Variants in TCF12 observed in about 807,000 individuals in gnomAD.
The protein encoded by TCF12 is DNA-binding protein HTF4.
TCF12 carries 45 observed loss-of-function variants against 86.0 expected under a neutral mutation model. That is an observed-to-expected ratio of 0.52 (90% CI 0.41 to 0.67). The LOEUF (loss-of-function observed/expected upper bound fraction) is 0.67. TCF12 is among the 30% of genes least tolerant of loss of function. The pLI is 0.00. For missense variants in TCF12, 881 were observed against 859.9 expected (o/e 1.02, Z -0.31); for synonymous variants, 330 against 299.6 (o/e 1.10, Z -1.05).
intron 6 of TCF12, among the ~76,000 whole-genome samples, chr15:57,178,386 C>T (rs1176121254): frequency 6.6e-6 from 1 of 151,858 alleles, no homozygotes; most frequent in Non-Finnish European, 1.5e-5. Flanking sequence ...ATGTCTAATG[C>T]TATATTGGGT....
rs186399712 is a variant in TCF12 at position 56,933,473 on chromosome 15, A to G, written c.148+12375A>G. Among the ~76,000 whole-genome samples, 13 of 152,226 alleles carry G rather than the reference A, an allele frequency of 8.5e-5. 1 individual carries two copies. The East Asian group carries it at 2.3e-3, about 27-fold the overall frequency. ...TTAAGGTAGTGGAAAATAAAGATAC[A>G]TTGTGGTATATTTGAAAGAGGAGCA... On this transcript the variant is annotated intron_variant, in intron 3 of 20. Coordinates refer to ENST00000333725, the MANE Select transcript of TCF12 (RefSeq NM_207037.2).
intron 19 of TCF12, chr15:57,282,075 A>T: frequency 3.4e-6 from 1 of 291,756 alleles, no homozygotes; most frequent in African/African-American, 2.3e-5. Flanking sequence ...CTCTCTAAGT[A>T]CAAGATGTCA....
In TCF12 at chr15:57,026,038, G is replaced by A. The variant is rs138805301; in HGVS notation, c.149-37712G>A. 9.2e-5 allele frequency among the ~76,000 whole-genome samples: 14 copies of A among 152,338 alleles called. No homozygotes were observed. In the East Asian group the frequency reaches 2.7e-3, roughly 29 times the overall value. ...AATACTCTCCAGAGTTTTAAATGCT[G>A]TCATGTAGAAGATAATATAGATTTC... On this transcript the variant is annotated intron_variant, in intron 3 of 20. Transcript: ENST00000333725.
chr15:57,196,153 C>T (rs1251718138), intron 7 of TCF12, among the ~76,000 whole-genome samples: 1 of 143,928 alleles, frequency 6.9e-6, no homozygotes, highest in Non-Finnish European at 1.5e-5. Context: ...TGGATTCAGC[C>T]AACCACAGAT....
At chr15:57,281,388 A>G (rs2061678987) in intron 19 of TCF12, among the ~76,000 whole-genome samples, 1 of 152,230 alleles carries the variant, frequency 6.6e-6, no homozygotes, top group African/African-American at 2.4e-5. Context: ...AAAGTAGAAA[A>G]GTAAGATGTG....
intron 5 of TCF12, among the ~76,000 whole-genome samples, chr15:57,157,386 TGTG>T (rs71967243): frequency 0.24 from 36,086 of 151,612 alleles, 4,920 homozygotes; most frequent in East Asian, 0.4. Flanking sequence ...GTTGGGGAAA[TGTG>T]GTGACATTAA....
At chr15:56,958,334 G>A (rs1320938575) in intron 3 of TCF12, among the ~76,000 whole-genome samples, 1 of 152,150 alleles carries the variant, frequency 6.6e-6, no homozygotes, top group Non-Finnish European at 1.5e-5. Context: ...CCTTAGAGAT[G>A]ACTGTCCTTT....
chr15:57,025,667 G>T (rs900323305), intron 3 of TCF12, among the ~76,000 whole-genome samples: 3 of 152,204 alleles, frequency 2.0e-5, no homozygotes, highest in Admixed American at 6.5e-5. Context: ...TGTGTTGAAA[G>T]AATTTGTATG....
At chr15:57,053,676 T>C (rs994525083) in intron 3 of TCF12, among the ~76,000 whole-genome samples, 8 of 151,952 alleles carry the variant, frequency 5.3e-5, no homozygotes, top group Non-Finnish European at 8.8e-5. Flanking sequence ...GTTGTTTGCA[T>C]AACGCCTGTA....
At chr15:57,086,829 A>G (rs2048668603) in intron 4 of TCF12, among the ~76,000 whole-genome samples, 1 of 152,132 alleles carries the variant, frequency 6.6e-6, no homozygotes, top group Admixed American at 6.5e-5. Flanking sequence ...ATAGGTTTGT[A>G]AAACTGTAAG....
chr15:56,983,193 G>A (rs142444375), intron 3 of TCF12, among the ~76,000 whole-genome samples: 2 of 152,216 alleles, frequency 1.3e-5, no homozygotes, highest in East Asian at 1.9e-4. Flanking sequence ...TTTGTCTCCC[G>A]TAGTCATTCT....
chr15:57,054,554 G>T (rs1231570302), intron 3 of TCF12, among the ~76,000 whole-genome samples: 2 of 152,136 alleles, frequency 1.3e-5, no homozygotes, highest in African/African-American at 2.4e-5. Flanking sequence ...GAGCAATGGG[G>T]TGTGTTCGCA....
In TCF12 at chr15:57,282,625, C is replaced by A. The variant is rs759547524; in HGVS notation, c.*11+27C>A. 22 of 1,597,440 alleles carry A rather than the reference C, an allele frequency of 1.4e-5. No homozygotes were observed. In the Admixed American group the frequency reaches 3.4e-4, roughly 25 times the overall value. On this transcript the variant is annotated intron_variant, in intron 20 of 20. Coordinates refer to ENST00000333725, the MANE Select transcript of TCF12 (RefSeq NM_207037.2). ...TAAGTACGGGTTTGAAAAGAAACAGCAAGGAAATAACCTTAAGATTCATCT... is the reference window on the plus strand; with the variant it reads ...TAAGTACGGGTTTGAAAAGAAACAGAAAGGAAATAACCTTAAGATTCATCT...
chr15:57,011,542 C>T (rs550070344), intron 3 of TCF12, among the ~76,000 whole-genome samples: 159 of 152,174 alleles, frequency 1.0e-3, no homozygotes, highest in African/African-American at 3.7e-3. Flanking sequence ...AGTGTGAGAA[C>T]GGCTTAATAA....
At chr15:57,154,490 C>A (rs898744372) in intron 5 of TCF12, among the ~76,000 whole-genome samples, 2 of 152,190 alleles carry the variant, frequency 1.3e-5, no homozygotes, top group African/African-American at 4.8e-5. Context: ...TCAAACATAT[C>A]TACCCTTTTT....
intron 5 of TCF12, among the ~76,000 whole-genome samples, chr15:57,158,577 C>A (rs1200708603): frequency 6.6e-6 from 1 of 152,112 alleles, no homozygotes; most frequent in African/African-American, 2.4e-5. Flanking sequence ...GCACTTCTGC[C>A]AGAATTATTG....
At chr15:57,259,313 G>C (rs1465401512) in intron 16 of TCF12, among the ~76,000 whole-genome samples, 1 of 152,156 alleles carries the variant, frequency 6.6e-6, no homozygotes, top group Non-Finnish European at 1.5e-5. Context: ...AGTATGTAAA[G>C]ATCCTTTAAG....
intron 3 of TCF12, among the ~76,000 whole-genome samples, chr15:56,984,285 T>TGTGTGTGTGTGTGTGTGA (rs2063061965): frequency 6.6e-6 from 1 of 150,542 alleles, no homozygotes; most frequent in Non-Finnish European, 1.5e-5. Context: ...TGTGTGTGTG[T>TGTGTGTGTGTGTGTGTGA]GTGTGTGTGA....
intron 16 of TCF12, among the ~76,000 whole-genome samples, chr15:57,254,045 C>T (rs2060235687): frequency 1.3e-5 from 2 of 152,124 alleles, no homozygotes; most frequent in South Asian, 2.1e-4. Context: ...TACAGCCATA[C>T]ACATCAAAAA....
Sources: gnomAD v4.1 joint callset for allele counts (sites outside exome capture counted in the v4.1 genomes callset) on GRCh38, gnomAD v4.1.1 for gene constraint, MANE v1.5 for transcripts, NCBI Gene and HGNC (gene_info 2026-07-23, HGNC 2026-07-21) for gene names.